PSMA1: variants seen among roughly 807,000 people sequenced by gnomAD.
PSMA1 encodes proteasome subunit alpha type-1.
In PSMA1, 3 loss-of-function variants were observed where a neutral mutation model predicts 38.4. That is an observed-to-expected ratio of 0.08 (90% CI 0.04 to 0.20). PSMA1 has a LOEUF of 0.20. Among genes scored for constraint, PSMA1 ranks in the 10% least tolerant of loss-of-function variants. The pLI, the probability that PSMA1 is intolerant of heterozygous loss-of-function variation, is 1.00. For synonymous variants in PSMA1, 101 were observed against 107.1 expected (o/e 0.94, Z 0.35); for missense variants, 227 against 325.3 (o/e 0.70, Z 2.32).
intron 2 of PSMA1, among the ~76,000 whole-genome samples, chr11:14,588,280 C>G (rs1291041068): frequency 6.6e-6 from 1 of 152,132 alleles, no homozygotes; most frequent in Non-Finnish European, 1.5e-5. Context: ...AGAATTTGGG[C>G]TGAGGGAATG....
chr11:14,561,992 A>G (rs528798112), intron 2 of PSMA1, among the ~76,000 whole-genome samples: 1 of 152,204 alleles, frequency 6.6e-6, no homozygotes, highest in Non-Finnish European at 1.5e-5. Context: ...TTTCTTACAC[A>G]GGTGTTGGAA....
At position 14,528,919 on chromosome 11, in the gene PSMA1, T is replaced by C. The variant is rs1174667173; in HGVS notation, c.22-9878A>G. On this transcript the variant is annotated intron_variant, in intron 2 of 10. Transcript: ENST00000418988. The stretch of plus-strand genomic sequence containing the variant: ...CTTAACTCCACTGCCTATCCCAAAA[T>C]CTTTAAGAACTAATTAATGATAATC... Among the ~76,000 whole-genome samples the C allele has an allele frequency of 3.5e-4, 53 of 152,126 alleles. No homozygotes were observed. The East Asian group carries it at 8.9e-3, about 26-fold the overall frequency.
At chr11:14,528,496 C>T (rs1242736084) in intron 2 of PSMA1, among the ~76,000 whole-genome samples, 1 of 152,112 alleles carries the variant, frequency 6.6e-6, no homozygotes, top group African/African-American at 2.4e-5. Context: ...TCCCACGCTG[C>T]CCCAATCCCG....
intron 2 of PSMA1, among the ~76,000 whole-genome samples, chr11:14,567,281 C>G (rs1166873292): frequency 6.6e-6 from 1 of 152,112 alleles, no homozygotes; most frequent in Non-Finnish European, 1.5e-5. Context: ...ACCTTCTTTT[C>G]TATTTTAGCT....
chr11:14,508,513 A>G (rs1023095804), intron 8 of PSMA1, among the ~76,000 whole-genome samples: 10 of 132,276 alleles, frequency 7.6e-5, no homozygotes, highest in African/African-American at 2.2e-4. Context: ...TTCCATCTTA[A>G]AAAACAAAAC....
chr11:14,527,367 C>T (rs952236884), intron 2 of PSMA1, among the ~76,000 whole-genome samples: 3 of 152,154 alleles, frequency 2.0e-5, no homozygotes, highest in South Asian at 2.1e-4. Context: ...AAGGAAAATA[C>T]CTCCTTCCAG....
chr11:14,508,191 T>C (rs909052475), intron 8 of PSMA1, among the ~76,000 whole-genome samples: 4 of 152,200 alleles, frequency 2.6e-5, no homozygotes, highest in Non-Finnish European at 4.4e-5. Context: ...ACATCATTCA[T>C]GCTCCCCTTC....
chr11:14,539,655 C>G (rs573051304), intron 2 of PSMA1, among the ~76,000 whole-genome samples: 8 of 152,084 alleles, frequency 5.3e-5, no homozygotes, highest in African/African-American at 1.9e-4. Flanking sequence ...ACCATCCTGG[C>G]TAACATGGTG....
chr11:14,610,243 G>A (rs564261344), intron 2 of PSMA1, among the ~76,000 whole-genome samples: 1 of 152,264 alleles, frequency 6.6e-6, no homozygotes, highest in South Asian at 2.1e-4. Context: ...TTTACTCAAA[G>A]TGCCTTTCCT....
At chr11:14,628,094 T>C (rs1852938943) in intron 1 of PSMA1, among the ~76,000 whole-genome samples, 1 of 152,228 alleles carries the variant, frequency 6.6e-6, no homozygotes, top group African/African-American at 2.4e-5. Flanking sequence ...TGAATCCTTT[T>C]GTGAACTGCG....
intron 1 of PSMA1, among the ~76,000 whole-genome samples, chr11:14,630,577 T>C (rs1852990358): frequency 6.6e-6 from 1 of 151,992 alleles, no homozygotes; most frequent in Admixed American, 6.5e-5. Context: ...CAGTATTTTA[T>C]TGAGGATTTT....
At chr11:14,526,278 C>G (rs1391399428) in intron 2 of PSMA1, among the ~76,000 whole-genome samples, 2 of 152,104 alleles carry the variant, frequency 1.3e-5, no homozygotes, top group African/African-American at 2.4e-5. Context: ...CCCCAGTCCT[C>G]TTTCTGTTCC....
At chr11:14,589,260 T>G (rs1327233870) in intron 2 of PSMA1, among the ~76,000 whole-genome samples, 1 of 152,022 alleles carries the variant, frequency 6.6e-6, no homozygotes, top group Non-Finnish European at 1.5e-5. Flanking sequence ...ACTTAACCAC[T>G]TGGGATACTA....
At chr11:14,535,258 T>C (rs1362334460) in intron 2 of PSMA1, among the ~76,000 whole-genome samples, 1 of 151,770 alleles carries the variant, frequency 6.6e-6, no homozygotes, top group Non-Finnish European at 1.5e-5. Flanking sequence ...ATATCTAAAC[T>C]GTATAATATA....
chr11:14,643,376 C>T (rs1271999437), intron 1 of PSMA1: 2 of 152,130 alleles, frequency 1.3e-5, no homozygotes, highest in East Asian at 3.9e-4. Flanking sequence ...AAGCACACCC[C>T]TTGGGGACCA....
chr11:14,631,834 A>C lies in PSMA1; in HGVS notation c.-166+11621T>G, dbSNP rs1293222841. On this transcript the variant is annotated intron_variant, in intron 1 of 10. Transcript: ENST00000418988. ...TTGTAGGTCACTCAGGACTTGCTTT[A>C]TGAATCTTGGTGCTCCTGTATTGGG... Among the ~76,000 whole-genome samples, 6 of 151,304 alleles carry C rather than the reference A, an allele frequency of 4.0e-5. No individual in the cohort carries two copies. In the South Asian group the frequency reaches 8.4e-4, roughly 21 times the overall value.
At chr11:14,570,511 A>G (rs1005752486) in intron 2 of PSMA1, among the ~76,000 whole-genome samples, 1 of 152,258 alleles carries the variant, frequency 6.6e-6, no homozygotes, top group Non-Finnish European at 1.5e-5. Flanking sequence ...CAGCATAGAG[A>G]AGACCGTAAA....
intron 7 of PSMA1, 28 bp from the exon 8 acceptor site, chr11:14,510,979 C>G: frequency 1.4e-6 from 2 of 1,408,726 alleles, no homozygotes; most frequent in Non-Finnish European, 2.0e-6. Context: ...ACAATTATTT[C>G]TTAATTTCAT....
intron 2 of PSMA1, among the ~76,000 whole-genome samples, chr11:14,533,359 C>T (rs1416241958): frequency 7.2e-5 from 11 of 152,140 alleles, no homozygotes; most frequent in Non-Finnish European, 1.6e-4. Context: ...AGACTGGTGA[C>T]TCTCATATTT....
Sources: allele counts gnomAD v4.1 joint callset (sites outside exome capture counted in the v4.1 genomes callset), GRCh38; gene constraint gnomAD v4.1.1; transcripts MANE v1.5; gene names NCBI Gene and HGNC (gene_info 2026-07-23, HGNC 2026-07-21).